AGRN: variants seen among roughly 807,000 people sequenced by gnomAD.
AGRN encodes agrin proteoglycan.
AGRN carries 106 observed loss-of-function variants against 211.0 expected under a neutral mutation model. The ratio of observed to expected loss-of-function variants is 0.50; its 90% CI spans 0.43 to 0.59. The LOEUF (loss-of-function observed/expected upper bound fraction) is 0.59. Among genes scored for constraint, AGRN ranks in the 20% least tolerant of loss-of-function variants. The pLI, the probability that AGRN is intolerant of heterozygous loss-of-function variation, is 0.00. For synonymous variants in AGRN, 1,525 were observed against 1,332.5 expected (o/e 1.14, Z -3.15); for missense variants, 3,040 against 2,982.6 (o/e 1.02, Z -0.45).
At chr1:1,054,618 ACC>A in intron 35 of AGRN, 67 bp downstream of exon 35, 1 of 1,531,424 alleles carries the variant, frequency 6.5e-7, no homozygotes, top group Non-Finnish European at 8.8e-7. Flanking sequence ...GACAGACTCC[ACC>A]CCCCAGCGCC....
At chr1:1,034,644 G>T in intron 2 of AGRN, 1 of 988,302 alleles carries the variant, frequency 1.0e-6, no homozygotes, top group Non-Finnish European at 1.2e-6. Context: ...TGCAACGCCT[G>T]CCTGATCCTG....
chr1:1,050,197 G>T, intron 27 of AGRN, 36 bp from the exon 28 acceptor site: 1 of 1,610,806 alleles, frequency 6.2e-7, no homozygotes, highest in Non-Finnish European at 8.5e-7. Context: ...GAGGCCCCGG[G>T]GGTCAGGACT....
chr1:1,037,127 G>A (rs1644821306), intron 3 of AGRN, among the ~76,000 whole-genome samples: 1 of 152,204 alleles, frequency 6.6e-6, no homozygotes, highest in South Asian at 2.1e-4. Context: ...CTGGGGAGGA[G>A]ACAGGTCTAT....
intron 10 of AGRN, 27 bp downstream of exon 10, chr1:1,044,050 T>C (rs1190489352): frequency 1.2e-6 from 2 of 1,612,220 alleles, no homozygotes; most frequent in Admixed American, 3.3e-5. Context: ...TGGCGAAAAC[T>C]GCTGGGCTCT....
At chr1:1,052,963 C>G (rs370836472) in intron 33 of AGRN, 6 of 169,392 alleles carry the variant, frequency 3.5e-5, no homozygotes, top group Admixed American at 5.9e-5. Context: ...TGTGTATGAA[C>G]AGGTGTAAGT....
At chr1:1,024,811 A>G (rs928446984) in intron 2 of AGRN, among the ~76,000 whole-genome samples, 8 of 151,998 alleles carry the variant, frequency 5.3e-5, no homozygotes, top group Non-Finnish European at 1.0e-4. Context: ...AGGGAGCCAC[A>G]TTCCTGGCAT....
rs753099070 is a variant in AGRN, at chr1:1,051,978, C to G, written c.5651+163C>G. The G allele has an allele frequency of 7.1e-6, 11 of 1,546,080 alleles. No homozygotes were observed. In the South Asian group the frequency reaches 1.3e-4, roughly 19 times the overall value. On this transcript the variant is annotated intron_variant, in intron 33 of 35. Transcript: ENST00000379370. The stretch of plus-strand genomic sequence containing the variant: ...GGTCCTCCCGCCTCTCACTGTCTGT[C>G]TCTTTGTTTCCAAGCGAACTGGCCA...
At chr1:1,033,741 G>GGCCCCAGCCTCAGCC (rs1553173266) in intron 2 of AGRN, among the ~76,000 whole-genome samples, 1 of 111,516 alleles carries the variant, frequency 9.0e-6, no homozygotes, top group Non-Finnish European at 1.8e-5. Flanking sequence ...GCCCACCCTC[G>GGCCCCAGCCTCAGCC]GCCCCAGCCT....
chr1:1,021,537 T>C (rs972337232), intron 1 of AGRN, among the ~76,000 whole-genome samples: 6 of 152,224 alleles, frequency 3.9e-5, no homozygotes, highest in African/African-American at 1.4e-4. Context: ...CCCGGCTTTG[T>C]TCTCAGGGGA....
chr1:1,035,217 G>C (rs1441172128), intron 2 of AGRN, 60 bp from the exon 3 acceptor site: 1 of 1,592,638 alleles, frequency 6.3e-7, no homozygotes, highest in Non-Finnish European at 8.6e-7. Flanking sequence ...CTGGGCAAAG[G>C]GATGGGACAG....
At chr1:1,047,083 G>A (rs572127951) in intron 19 of AGRN, 126 bp downstream of exon 19, 36 of 1,453,762 alleles carry the variant, frequency 2.5e-5, no homozygotes, top group Non-Finnish European at 3.0e-5. Flanking sequence ...CCTCAAACAT[G>A]TGCGTGCCGG....
chr1:1,036,885 T>C (rs912637079), intron 3 of AGRN, among the ~76,000 whole-genome samples: 1 of 152,100 alleles, frequency 6.6e-6, no homozygotes, highest in Admixed American at 6.5e-5. Context: ...TCAGGAGCCC[T>C]GTGGGTCAGG....
At position 1,050,748 on chromosome 1, in the gene AGRN, G is replaced by A. The variant is rs1344442818; in HGVS notation, c.5164G>A (p.Gly1722Arg). The A allele has an allele frequency of 1.9e-6, 3 of 1,603,520 alleles. No individual in the cohort carries two copies. The highest frequency in any genetic ancestry group is 2.5e-6 in the Non-Finnish European group (3 of 1,177,594). Reference protein sequence around the residue: ...VIRSREPVTLGAWTRVSLERN... With the variant: ...VIRSREPVTLRAWTRVSLERN... The stretch of plus-strand genomic sequence containing the variant: ...CAGGAGCAGGGAGCCAGTCACCCTG[G>A]GAGCCTGGACCAGGGTCTCACTGGA... The change falls in exon 30 of 36, where the codon GGA becomes AGA. Residue 1722 changes from glycine to arginine, a missense_variant. Gly to Arg is a moderately radical substitution (Grantham distance 125). This residue lies in a region of AGRN where 1,537 missense variants were observed against 1,505.0 expected (regional missense o/e 1.02). Coordinates refer to ENST00000379370, the MANE Select transcript of AGRN (RefSeq NM_198576.4).
intron 32 of AGRN, 41 bp from the exon 33 acceptor site, chr1:1,051,687 C>T (rs775536005): frequency 2.0e-5 from 33 of 1,612,892 alleles, no homozygotes; most frequent in Admixed American, 1.2e-4. Context: ...CGGATGGGCC[C>T]GGAGCCCACG....
At chr1:1,024,263 T>G (rs1355612136) in intron 2 of AGRN, among the ~76,000 whole-genome samples, 2 of 152,014 alleles carry the variant, frequency 1.3e-5, no homozygotes, top group Non-Finnish European at 2.9e-5. Flanking sequence ...CTGGAGCCAG[T>G]CTGGCTGGAG....
chr1:1,028,268 G>T (rs1644562650), intron 2 of AGRN, among the ~76,000 whole-genome samples: 1 of 149,652 alleles, frequency 6.7e-6, no homozygotes, highest in South Asian at 2.1e-4. Context: ...GCTGATTCCT[G>T]CCTCGGAGCT....
At chr1:1,042,773 G>T (rs931597192) in intron 7 of AGRN, among the ~76,000 whole-genome samples, 88 of 152,198 alleles carry the variant, frequency 5.8e-4, no homozygotes, top group African/African-American at 2.0e-3. Flanking sequence ...CGGCAGGGGG[G>T]GTGGCTTGCT....
At chr1:1,042,197 G>A (rs746856559) in intron 7 of AGRN, 35 bp downstream of exon 7, 1 of 1,568,596 alleles carries the variant, frequency 6.4e-7, no homozygotes, top group East Asian at 2.3e-5. Flanking sequence ...GGCGGGGTGG[G>A]CTGCTCCTGC....
chr1:1,020,510 AG>A (rs1024241572), intron 1 of AGRN, 137 bp downstream of exon 1: 14 of 823,770 alleles, frequency 1.7e-5, no homozygotes, highest in South Asian at 6.2e-5. Flanking sequence ...AAGCCCCGGG[AG>A]GGGGGGTCGC....
Sources: allele counts gnomAD v4.1 joint callset (sites outside exome capture counted in the v4.1 genomes callset), GRCh38; gene constraint gnomAD v4.1.1; regional missense constraint gnomAD v4.1.1; transcripts MANE v1.5; gene names NCBI Gene and HGNC (gene_info 2026-07-23, HGNC 2026-07-21).